The following PDE4B variants were observed in gnomAD, a reference collection of about 807,000 sequenced individuals.
The protein encoded by PDE4B is phosphodiesterase 4B, also known as 3',5'-cyclic-AMP phosphodiesterase 4B.
PDE4B carries 20 observed loss-of-function variants against 82.2 expected under a neutral mutation model. The observed-to-expected ratio is 0.24, with a 90% CI of 0.17 to 0.35. The LOEUF (loss-of-function observed/expected upper bound fraction) is 0.35. Ranked by LOEUF, PDE4B falls within the 10% of genes least tolerant of loss-of-function variation. PDE4B has a pLI of 1.00. For missense variants in PDE4B, 655 were observed against 907.2 expected (o/e 0.72, Z 3.57); for synonymous variants, 320 against 318.9 (o/e 1.00, Z -0.04).
chr1:66,276,628 C>T (rs1011303428), intron 7 of PDE4B, among the ~76,000 whole-genome samples: 5 of 152,232 alleles, frequency 3.3e-5, no homozygotes, highest in Admixed American at 1.3e-4. Context: ...ACATCTCACA[C>T]GTCCATTATT....
chr1:66,270,833 GA>G (rs1251774876), intron 7 of PDE4B, among the ~76,000 whole-genome samples: 1 of 152,206 alleles, frequency 6.6e-6, no homozygotes, highest in Non-Finnish European at 1.5e-5. Flanking sequence ...GAAAAAGTCA[GA>G]AATATCAAAC....
At chr1:66,010,710 C>T (rs1652435762) in intron 3 of PDE4B, among the ~76,000 whole-genome samples, 1 of 150,314 alleles carries the variant, frequency 6.7e-6, no homozygotes, top group African/African-American at 2.4e-5. Context: ...TCCTGTGAGA[C>T]TTTTTGACAT....
chr1:66,192,852 C>A (rs1303125029), intron 3 of PDE4B, among the ~76,000 whole-genome samples: 1 of 152,030 alleles, frequency 6.6e-6, no homozygotes, highest in Admixed American at 6.6e-5. Context: ...GTTTGCCAGG[C>A]CTGTGTTAAG....
chr1:66,346,948 C>G (rs1661438093), intron 8 of PDE4B, among the ~76,000 whole-genome samples: 1 of 152,326 alleles, frequency 6.6e-6, no homozygotes, highest in Admixed American at 6.5e-5. Flanking sequence ...GACTCAATGA[C>G]TTGCTAAGTT....
At chr1:65,959,504 T>C (rs547839189) in intron 3 of PDE4B, among the ~76,000 whole-genome samples, 5 of 152,266 alleles carry the variant, frequency 3.3e-5, no homozygotes, top group African/African-American at 9.6e-5. Flanking sequence ...GTCAATTAAC[T>C]CATTTGCAGA....
intron 3 of PDE4B, among the ~76,000 whole-genome samples, chr1:66,139,361 C>T (rs1229514798): frequency 6.6e-6 from 1 of 152,148 alleles, no homozygotes; most frequent in Non-Finnish European, 1.5e-5. Context: ...CTCTTAGCTC[C>T]TTAATACTGG....
At chr1:66,138,422 G>A (rs957007746) in intron 3 of PDE4B, among the ~76,000 whole-genome samples, 1 of 152,148 alleles carries the variant, frequency 6.6e-6, no homozygotes, top group African/African-American at 2.4e-5. Flanking sequence ...GGGAGGCTGA[G>A]GCAGGAGAAT....
chr1:66,065,449 G>C (rs576125499), intron 3 of PDE4B, among the ~76,000 whole-genome samples: 1 of 151,876 alleles, frequency 6.6e-6, no homozygotes, highest in African/African-American at 2.4e-5. Context: ...TTATGATCTA[G>C]AATTGATAAC....
intron 3 of PDE4B, among the ~76,000 whole-genome samples, chr1:66,021,622 G>C (rs1199970901): frequency 6.6e-6 from 1 of 151,962 alleles, no homozygotes; most frequent in East Asian, 1.9e-4. Context: ...AGATCAGATG[G>C]TTGTAGAGGT....
chr1:66,355,655 C>A, intron 9 of PDE4B, 35 bp downstream of exon 9: 1 of 1,275,298 alleles, frequency 7.8e-7, no homozygotes, highest in Non-Finnish European at 1.1e-6. Flanking sequence ...TGTTTTATAA[C>A]TGGGGTTTTC....
chr1:65,963,147 C>T (rs907147563), intron 3 of PDE4B, among the ~76,000 whole-genome samples: 1 of 152,158 alleles, frequency 6.6e-6, no homozygotes, highest in African/African-American at 2.4e-5. Flanking sequence ...TGCATACTGC[C>T]TTACCTAAAG....
chr1:66,266,107 C>A lies in PDE4B; in HGVS notation c.634+20C>A. 1 of 1,581,186 alleles carries A rather than the reference C, an allele frequency of 6.3e-7. No individual in the cohort carries two copies. Among genetic ancestry groups the A allele is most frequent in the Non-Finnish European group, 8.7e-7 (1 of 1,149,916 alleles). On this transcript the variant is annotated intron_variant, in intron 7 of 16. Coordinates refer to ENST00000341517, the MANE Select transcript of PDE4B (RefSeq NM_002600.4). ...CACAAGGTAGGCCATGTCATAAGGT[C>A]TATCTAGATGTTTCAAGATAGAATA...
chr1:66,289,139 A>G (rs1248305684), intron 7 of PDE4B, among the ~76,000 whole-genome samples: 1 of 152,168 alleles, frequency 6.6e-6, no homozygotes, highest in Non-Finnish European at 1.5e-5. Flanking sequence ...GCAGTGACAC[A>G]TGCCTGTGAT....
At chr1:66,358,618 G>A (rs1223909668) in intron 9 of PDE4B, among the ~76,000 whole-genome samples, 1 of 147,430 alleles carries the variant, frequency 6.8e-6, no homozygotes, top group African/African-American at 2.5e-5. Flanking sequence ...AGGTTGCAGT[G>A]AGCCAAGATC....
chr1:65,936,151 C>T (rs945831979), intron 3 of PDE4B, among the ~76,000 whole-genome samples: 1 of 152,116 alleles, frequency 6.6e-6, no homozygotes, highest in African/African-American at 2.4e-5. Context: ...TCCACCTCCA[C>T]ATCTTGCCCC....
Position 65,823,551 on chromosome 1 carries a change from T to G in PDE4B, c.-71+30303T>G, listed in dbSNP as rs17128019. On this transcript the variant is annotated intron_variant, in intron 1 of 16. Coordinates refer to ENST00000341517, the MANE Select transcript of PDE4B (RefSeq NM_002600.4). ...CAGGCCCTTGCCATGTTATAACGTC[T>G]CATCTGTTTGCAGTACTCTTTTTAC... Among the ~76,000 whole-genome samples the G allele has an allele frequency of 3.3e-3, 503 of 152,246 alleles. 6 individuals are homozygous for G. The highest frequency in any genetic ancestry group is 0.031 in the East Asian group (162 of 5,170).
intron 3 of PDE4B, among the ~76,000 whole-genome samples, chr1:66,117,712 T>C (rs1439552230): frequency 1.3e-5 from 2 of 152,220 alleles, no homozygotes; most frequent in Admixed American, 1.3e-4. Flanking sequence ...ACTTATAAAA[T>C]ATTAGAGCTG....
At chr1:65,940,981 A>G (rs575283420) in intron 3 of PDE4B, among the ~76,000 whole-genome samples, 1 of 150,762 alleles carries the variant, frequency 6.6e-6, no homozygotes, top group East Asian at 2.0e-4. Flanking sequence ...ATATAGATTT[A>G]ACAAATGTTG....
At chr1:65,911,448 T>A (rs1327154559) in intron 1 of PDE4B, among the ~76,000 whole-genome samples, 1 of 152,186 alleles carries the variant, frequency 6.6e-6, no homozygotes, top group Non-Finnish European at 1.5e-5. Context: ...AATCATTGAG[T>A]ATGTATAGTT....
Sources: gnomAD v4.1 joint callset for allele counts (sites outside exome capture counted in the v4.1 genomes callset) on GRCh38, gnomAD v4.1.1 for gene constraint, MANE v1.5 for transcripts, NCBI Gene and HGNC (gene_info 2026-07-23, HGNC 2026-07-21) for gene names.